RBFOX1: variants seen among roughly 807,000 people sequenced by gnomAD.
RBFOX1 encodes the protein RNA binding protein fox-1 homolog 1.
RBFOX1 carries 8 observed loss-of-function variants against 57.7 expected under a neutral mutation model. That is an observed-to-expected ratio of 0.14 (90% CI 0.08 to 0.25). The LOEUF (loss-of-function observed/expected upper bound fraction) is 0.25, where lower values mean the gene tolerates loss of function less well. RBFOX1 is among the 10% of genes least tolerant of loss of function. The pLI, the probability that RBFOX1 is intolerant of heterozygous loss-of-function variation, is 1.00. For synonymous variants in RBFOX1, 326 were observed against 222.4 expected, an observed-to-expected ratio of 1.47 and a Z score of -4.15; for missense variants, 611 against 548.5, an observed-to-expected ratio of 1.11 and a Z score of -1.14.
At chr16:5,938,104 T>G (rs1362618623) in intron 4 of RBFOX1, among the ~76,000 whole-genome samples, 4 of 152,198 alleles carry the variant, frequency 2.6e-5, no homozygotes, top group Non-Finnish European at 5.9e-5. Flanking sequence ...CTGTACCCTT[T>G]TCATTCTTTT....
intron 3 of RBFOX1, among the ~76,000 whole-genome samples, chr16:5,861,421 G>A (rs2057210050): frequency 6.6e-6 from 1 of 152,138 alleles, no homozygotes; most frequent in South Asian, 2.1e-4. Context: ...AGATGATGAT[G>A]GTGGCTTTGG....
chr16:7,404,342 C>T (rs2098298541), intron 4 of RBFOX1, among the ~76,000 whole-genome samples: 1 of 152,146 alleles, frequency 6.6e-6, no homozygotes, highest in Non-Finnish European at 1.5e-5. Context: ...CATAAGCCAC[C>T]GTGCCCAGCC....
At position 5,688,869 on chromosome 16, in the gene RBFOX1, C is replaced by T. The variant is rs921640754; in HGVS notation, c.318+89908C>T. ...CAACGTTTGCCAGGACTCTCTTCTA[C>T]TGCCTCTCATCTCTGCTTCTCCTGG... On this transcript the variant is annotated intron_variant, in intron 3 of 19. Coordinates refer to the RBFOX1 transcript ENST00000641259. Among the ~76,000 whole-genome samples the T allele has an allele frequency of 3.9e-5, 6 of 152,212 alleles. No homozygotes were observed. In the South Asian group the frequency reaches 8.3e-4, roughly 21 times the overall value.
chr16:7,087,796 T>C (rs1372146941), intron 4 of RBFOX1, among the ~76,000 whole-genome samples: 1 of 152,172 alleles, frequency 6.6e-6, no homozygotes, highest in Non-Finnish European at 1.5e-5. Context: ...CTTGGTGAAG[T>C]AAGGAGACTT....
rs1284183490 is a variant in RBFOX1 at position 7,227,285 on chromosome 16, A to ACCCCCCCCCCCC, written c.27+175191_27+175192insCCCCCCCCCCCC. Among the ~76,000 whole-genome samples, 36 of 73,276 alleles carry ACCCCCCCCCCCC rather than the reference A, an allele frequency of 4.9e-4. 1 individual carries two copies. The highest frequency in any genetic ancestry group is 9.2e-4 in the Non-Finnish European group (27 of 29,282). The allele number at this position is 73,276 out of a possible 152,430, so 48.1% of individuals were successfully genotyped here. A position where few individuals can be genotyped will look rare whatever the true frequency, so the allele number is the denominator to read the frequency against. Reference sequence around the variant, plus strand: ...CACTGTCACATACCACACACACCCCACCCCACCCCCACACACACACACAGC... The same window carrying ACCCCCCCCCCCC: ...CACTGTCACATACCACACACACCCCACCCCCCCCCCCCCCCCACCCCCACACACACACACAGC... On this transcript the variant is annotated intron_variant, in intron 4 of 15. Coordinates refer to ENST00000550418, the MANE Select transcript of RBFOX1 (RefSeq NM_018723.4).
intron 1 of RBFOX1, among the ~76,000 whole-genome samples, chr16:5,344,885 A>G (rs78572188): frequency 0.015 from 2,276 of 152,302 alleles, 59 homozygotes; most frequent in African/African-American, 0.052. Flanking sequence ...GTTGATATCA[A>G]TAACTCCAAA....
chr16:6,997,228 C>A (rs972310691), intron 3 of RBFOX1, among the ~76,000 whole-genome samples: 7 of 151,928 alleles, frequency 4.6e-5, no homozygotes, highest in Admixed American at 1.3e-4. Context: ...ATGGTAAGTC[C>A]CTTTGAAGAC....
At chr16:5,329,192 C>T (rs945352264) in intron 1 of RBFOX1, among the ~76,000 whole-genome samples, 1 of 152,142 alleles carries the variant, frequency 6.6e-6, no homozygotes, top group South Asian at 2.1e-4. Flanking sequence ...TGTTCTTGCA[C>T]TGCTTTAAAG....
At chr16:6,720,990 G>A (rs905900312) in intron 3 of RBFOX1, among the ~76,000 whole-genome samples, 2 of 152,220 alleles carry the variant, frequency 1.3e-5, no homozygotes, top group East Asian at 3.9e-4. Flanking sequence ...AGGATCATGA[G>A]GGCTAAGATG....
chr16:6,658,709 G>A (rs1205802085), intron 3 of RBFOX1, among the ~76,000 whole-genome samples: 1 of 152,076 alleles, frequency 6.6e-6, no homozygotes, highest in Admixed American at 6.6e-5. Flanking sequence ...GCTGTTTATG[G>A]GGAAATTCAT....
intron 2 of RBFOX1, among the ~76,000 whole-genome samples, chr16:6,342,152 G>A (rs1033881954): frequency 1.3e-5 from 2 of 152,100 alleles, no homozygotes; most frequent in Non-Finnish European, 2.9e-5. Context: ...AGTGATGGTG[G>A]TCAATTTGCA....
intron 1 of RBFOX1, among the ~76,000 whole-genome samples, chr16:5,322,380 C>G (rs2064434998): frequency 6.6e-6 from 1 of 152,076 alleles, no homozygotes; most frequent in African/African-American, 2.4e-5. Flanking sequence ...TGTGTGTGTG[C>G]ACGCCTAGGG....
chr16:6,585,686 AATG>A (rs2097600256), intron 2 of RBFOX1, among the ~76,000 whole-genome samples: 2 of 152,168 alleles, frequency 1.3e-5, no homozygotes. Context: ...GAATGCTTGG[AATG>A]ATAACTGTAA....
chr16:7,524,900 C>T (rs1341451289), intron 5 of RBFOX1, among the ~76,000 whole-genome samples: 5 of 152,160 alleles, frequency 3.3e-5, no homozygotes, highest in Non-Finnish European at 5.9e-5. Flanking sequence ...TTCCTTTTGA[C>T]TAACTAGCTA....
chr16:7,612,827 C>T (rs968421409), intron 10 of RBFOX1, among the ~76,000 whole-genome samples: 1 of 152,140 alleles, frequency 6.6e-6, no homozygotes, highest in Non-Finnish European at 1.5e-5. Context: ...CTGCAAAGCT[C>T]ACCCACGTTG....
chr16:6,399,718 A>G (rs7498166), intron 2 of RBFOX1, among the ~76,000 whole-genome samples: 106,725 of 151,838 alleles, frequency 0.7, 37,865 homozygotes, highest in African/African-American at 0.74. Flanking sequence ...CAGCTTATGT[A>G]TTAGTTCATT....
At chr16:7,281,725 A>G (rs1456935266) in intron 4 of RBFOX1, among the ~76,000 whole-genome samples, 1 of 152,152 alleles carries the variant, frequency 6.6e-6, no homozygotes. Flanking sequence ...GAGAGAGTCT[A>G]TTGAGGGAAA....
chr16:6,921,207 A>C (rs1305567696), intron 3 of RBFOX1, among the ~76,000 whole-genome samples: 1 of 152,150 alleles, frequency 6.6e-6, no homozygotes, highest in East Asian at 1.9e-4. Flanking sequence ...CTGTGTTACA[A>C]ATTACCCACA....
chr16:6,497,782 C>G (rs747715791), intron 2 of RBFOX1, among the ~76,000 whole-genome samples: 7 of 151,972 alleles, frequency 4.6e-5, no homozygotes, highest in Non-Finnish European at 1.0e-4. Flanking sequence ...ACCTCGAACT[C>G]CTGACCTCAA....
Sources: gnomAD v4.1 joint callset for allele counts (sites outside exome capture counted in the v4.1 genomes callset) on GRCh38, gnomAD v4.1.1 for gene constraint, MANE v1.5 for transcripts, NCBI Gene and HGNC (gene_info 2026-07-23, HGNC 2026-07-21) for gene names.